ARHGAP32: variants seen among roughly 807,000 people sequenced by gnomAD.
ARHGAP32 encodes Rho GTPase activating protein 32.
In ARHGAP32, 51 loss-of-function variants were observed where a neutral mutation model predicts 186.5. That is an observed-to-expected ratio of 0.27 (90% CI 0.22 to 0.35). The LOEUF is 0.35. Ranked by LOEUF, ARHGAP32 falls within the 10% of genes least tolerant of loss-of-function variation. The probability of loss-of-function intolerance (pLI) is 1.00; values close to 1 mark genes in which losing one functional copy is unlikely to be tolerated. For synonymous variants in ARHGAP32, 950 were observed against 964.3 expected, an observed-to-expected ratio of 0.99 and a Z score of 0.27; for missense variants, 2,186 against 2,623.5, an observed-to-expected ratio of 0.83 and a Z score of 3.64.
intron 1 of ARHGAP32, among the ~76,000 whole-genome samples, chr11:129,226,674 A>G (rs938296716): frequency 6.6e-6 from 1 of 152,210 alleles, no homozygotes; most frequent in Non-Finnish European, 1.5e-5. Context: ...TTAAATGTAC[A>G]TGGATAAATA....
At chr11:128,979,345 G>C (rs1945645679) in intron 18 of ARHGAP32, among the ~76,000 whole-genome samples, 1 of 152,152 alleles carries the variant, frequency 6.6e-6, no homozygotes, top group South Asian at 2.1e-4. Context: ...CTGAATGCCA[G>C]GCACTGTGCT....
chr11:129,219,149 T>A (rs1161489541), intron 1 of ARHGAP32, among the ~76,000 whole-genome samples: 1 of 152,230 alleles, frequency 6.6e-6, no homozygotes, highest in Non-Finnish European at 1.5e-5. Flanking sequence ...GAGAACCTGA[T>A]CGCTGACTTT....
chr11:129,061,514 CT>C (rs1472687803), intron 10 of ARHGAP32, among the ~76,000 whole-genome samples: 1 of 152,090 alleles, frequency 6.6e-6, no homozygotes, highest in African/African-American at 2.4e-5. Flanking sequence ...TAATAATCGA[CT>C]AAAACAATTA....
intron 1 of ARHGAP32, among the ~76,000 whole-genome samples, chr11:129,277,018 A>G (rs778188512): frequency 1.3e-5 from 2 of 152,224 alleles, no homozygotes; most frequent in East Asian, 1.9e-4. Flanking sequence ...TTACTCTTTA[A>G]AAGTTCAACT....
At chr11:129,209,584 T>A (rs1312248539) in intron 1 of ARHGAP32, among the ~76,000 whole-genome samples, 21 of 151,892 alleles carry the variant, frequency 1.4e-4, no homozygotes, top group Admixed American at 1.4e-3. Flanking sequence ...CTTGGAAGAC[T>A]GCAAACGGAA....
chr11:129,034,623 T>C (rs73579359), intron 11 of ARHGAP32, among the ~76,000 whole-genome samples: 2 of 150,758 alleles, frequency 1.3e-5, no homozygotes, highest in Admixed American at 6.6e-5. Context: ...AATACGAGAA[T>C]TGAAGAATGT....
chr11:129,244,767 C>T (rs1005469941), intron 1 of ARHGAP32, among the ~76,000 whole-genome samples: 3 of 152,076 alleles, frequency 2.0e-5, no homozygotes, highest in African/African-American at 7.2e-5. Flanking sequence ...AAACAAACAA[C>T]CCCATCAAAA....
intron 10 of ARHGAP32, among the ~76,000 whole-genome samples, chr11:129,045,595 CT>C (rs1176752061): frequency 1.3e-5 from 2 of 152,202 alleles, no homozygotes; most frequent in African/African-American, 4.8e-5. Context: ...CTAATGAATA[CT>C]TCACCTAAGA....
At chr11:129,036,814 C>T (rs962666132) in intron 11 of ARHGAP32, among the ~76,000 whole-genome samples, 7 of 152,238 alleles carry the variant, frequency 4.6e-5, no homozygotes, top group East Asian at 1.9e-4. Context: ...GAACAAGACA[C>T]GGATGCTTGT....
chr11:128,977,800 C>T (rs565280182), intron 19 of ARHGAP32, among the ~76,000 whole-genome samples: 5 of 151,774 alleles, frequency 3.3e-5, no homozygotes, highest in Non-Finnish European at 7.4e-5. Context: ...CTTCAGCCTC[C>T]GGAGTAGCTA....
chr11:128,977,899 T>C (rs1462392516), intron 19 of ARHGAP32, among the ~76,000 whole-genome samples: 1 of 147,240 alleles, frequency 6.8e-6, no homozygotes, highest in Non-Finnish European at 1.5e-5. Context: ...TATTATTTTG[T>C]AGATGCAGGG....
intron 6 of ARHGAP32, among the ~76,000 whole-genome samples, chr11:129,071,137 A>G (rs1202517203): frequency 6.6e-6 from 1 of 152,000 alleles, no homozygotes; most frequent in Non-Finnish European, 1.5e-5. Context: ...ATGTATACTG[A>G]TGTTATTTAT....
intron 6 of ARHGAP32, among the ~76,000 whole-genome samples, chr11:129,083,863 C>G (rs1941299993): frequency 6.6e-6 from 1 of 151,966 alleles, no homozygotes; most frequent in Admixed American, 6.6e-5. Context: ...ACAGAAATTA[C>G]CAAAACCAAA....
intron 5 of ARHGAP32, among the ~76,000 whole-genome samples, chr11:129,109,272 A>C (rs1251149926): frequency 6.6e-6 from 1 of 152,044 alleles, no homozygotes; most frequent in African/African-American, 2.4e-5. Flanking sequence ...TTGCATATAT[A>C]TATATATACC....
At chr11:129,260,540 TA>T (rs577036255) in intron 1 of ARHGAP32, among the ~76,000 whole-genome samples, 26 of 152,246 alleles carry the variant, frequency 1.7e-4, no homozygotes, top group Admixed American at 1.6e-3. Flanking sequence ...AAAAAAGTCT[TA>T]AAAAATAAGC....
At chr11:129,155,712 C>A (rs1182351095) in intron 2 of ARHGAP32, among the ~76,000 whole-genome samples, 3 of 145,312 alleles carry the variant, frequency 2.1e-5, no homozygotes, top group Admixed American at 1.4e-4. Context: ...AAAAAAAAAA[C>A]AAATTGGTTT....
chr11:129,169,352 C>T (rs1439418926), intron 1 of ARHGAP32, among the ~76,000 whole-genome samples: 2 of 152,096 alleles, frequency 1.3e-5, no homozygotes, highest in Admixed American at 6.5e-5. Context: ...TAAGGCTGGG[C>T]TGGGCATGGT....
chr11:129,131,389 CG>C (rs1347936515), intron 2 of ARHGAP32, among the ~76,000 whole-genome samples: 1 of 151,638 alleles, frequency 6.6e-6, no homozygotes, highest in Non-Finnish European at 1.5e-5. Context: ...ATGATAACTA[CG>C]GAAACAATGA....
chr11:129,033,478 G>T (rs553211801), intron 11 of ARHGAP32, among the ~76,000 whole-genome samples: 2 of 152,072 alleles, frequency 1.3e-5, no homozygotes, highest in Non-Finnish European at 2.9e-5. Flanking sequence ...ATAAGGCTTC[G>T]ATCTGCATTT....
Sources: allele counts gnomAD v4.1 joint callset (sites outside exome capture counted in the v4.1 genomes callset), GRCh38; gene constraint gnomAD v4.1.1; transcripts MANE v1.5; gene names NCBI Gene and HGNC (gene_info 2026-07-23, HGNC 2026-07-21).